The following RAD52 variants were observed in gnomAD, a reference collection of about 807,000 sequenced individuals.
RAD52 encodes the protein DNA repair protein RAD52 homolog.
RAD52 carries 47 observed loss-of-function variants against 55.5 expected under a neutral mutation model. The ratio of observed to expected loss-of-function variants is 0.85; its 90% confidence interval spans 0.67 to 1.08. RAD52 has a LOEUF of 1.08. Among genes scored for constraint, RAD52 ranks in the 50% least tolerant of loss-of-function variants. The pLI, the probability that RAD52 is intolerant of heterozygous loss-of-function variation, is 0.00. For missense variants in RAD52, 468 were observed against 522.8 expected, an observed-to-expected ratio of 0.90 and a Z score of 1.02; for synonymous variants, 184 against 198.9, an observed-to-expected ratio of 0.92 and a Z score of 0.63.
chr12:922,191 T>TAAAAA (rs79763100), intron 7 of RAD52, among the ~76,000 whole-genome samples: 24 of 81,652 alleles, frequency 2.9e-4, no homozygotes, highest in South Asian at 4.9e-4. Flanking sequence ...TAGGTTGGCT[T>TAAAAA]AAAAAAAAAA....
At chr12:918,634 T>C (rs1228189455) in intron 7 of RAD52, among the ~76,000 whole-genome samples, 3 of 152,138 alleles carry the variant, frequency 2.0e-5, no homozygotes, top group Non-Finnish European at 4.4e-5. Context: ...GGTCTCCAAC[T>C]CTTGGGCTCA....
At chr12:969,909 C>T (rs1395596369) in intron 1 of RAD52, among the ~76,000 whole-genome samples, 1 of 151,942 alleles carries the variant, frequency 6.6e-6, no homozygotes, top group Non-Finnish European at 1.5e-5. Context: ...TCCATATATA[C>T]TGGTGATAAC....
intron 1 of RAD52, among the ~76,000 whole-genome samples, chr12:984,907 T>C (rs981288309): frequency 6.6e-6 from 1 of 151,806 alleles, no homozygotes; most frequent in African/African-American, 2.4e-5. Flanking sequence ...CCTTGTGATC[T>C]GCCCGCCTCA....
chr12:924,211 C>T (rs1402894591), intron 7 of RAD52, among the ~76,000 whole-genome samples: 1 of 152,038 alleles, frequency 6.6e-6, no homozygotes, highest in Non-Finnish European at 1.5e-5. Context: ...AATTCGAGAC[C>T]AGCCTGACCA....
chr12:971,625 A>G (rs938560201), intron 1 of RAD52, among the ~76,000 whole-genome samples: 1 of 152,242 alleles, frequency 6.6e-6, no homozygotes, highest in Non-Finnish European at 1.5e-5. Context: ...ATAAATATGG[A>G]AAGATAATAA....
rs142312261 is a variant in RAD52 at position 963,467 on chromosome 12, G to T, written c.-19+26342C>A. Among the ~76,000 whole-genome samples the T allele has an allele frequency of 1.3e-3, 191 of 152,132 alleles. 1 individual carries two copies. The highest frequency in any genetic ancestry group is 4.3e-3 in the African/African-American group (177 of 41,506). On this transcript the variant is annotated intron_variant, in intron 1 of 11. Transcript: ENST00000430095. The stretch of plus-strand genomic sequence containing the variant: ...AAGTAAACAAATTTAGAGTGTGGCT[G>T]GTAGAAGTAAATGCTATAAAGAAAA...
chr12:955,941 C>T (rs893423270), intron 1 of RAD52, among the ~76,000 whole-genome samples: 7 of 62,824 alleles, frequency 1.1e-4, no homozygotes, highest in African/African-American at 1.8e-4. Context: ...CCACCATGCC[C>T]GGCTAATTTT....
chr12:929,687 A>G (rs776119994), intron 5 of RAD52, 132 bp downstream of exon 5: 2 of 870,950 alleles, frequency 2.3e-6, no homozygotes, highest in East Asian at 2.4e-5. Flanking sequence ...GAATTCCACC[A>G]CTCTAGGGAA....
chr12:973,782 C>CTTTT (rs750425355), intron 1 of RAD52, among the ~76,000 whole-genome samples: 4 of 113,482 alleles, frequency 3.5e-5, no homozygotes, highest in Admixed American at 9.5e-5. Flanking sequence ...CCCAGTCCTT[C>CTTTT]TTTTTTTTTT....
intron 5 of RAD52, among the ~76,000 whole-genome samples, chr12:928,914 G>A (rs1661169482): frequency 6.6e-6 from 1 of 152,084 alleles, no homozygotes; most frequent in African/African-American, 2.4e-5. Flanking sequence ...TTCCACCCAG[G>A]AGTTCAGTGG....
intron 1 of RAD52, among the ~76,000 whole-genome samples, chr12:948,879 A>G (rs2154119539): frequency 6.6e-6 from 1 of 151,968 alleles, no homozygotes; most frequent in East Asian, 2.0e-4. Flanking sequence ...TTGTATTTTT[A>G]GTAGAGACGG....
chr12:983,296 T>C (rs1347673240), intron 1 of RAD52, among the ~76,000 whole-genome samples: 1 of 152,128 alleles, frequency 6.6e-6, no homozygotes, highest in African/African-American at 2.4e-5. Flanking sequence ...CTGCTAGGGA[T>C]ACCATAATAA....
At chr12:981,255 C>T (rs11837764) in intron 1 of RAD52, among the ~76,000 whole-genome samples, 20,468 of 151,872 alleles carry the variant, frequency 0.13, 1,831 homozygotes, top group African/African-American at 0.25. Context: ...ATCACTTGAG[C>T]CAGGGAGGCG....
intron 1 of RAD52, among the ~76,000 whole-genome samples, chr12:946,614 GC>G (rs2154118882): frequency 6.6e-6 from 1 of 152,306 alleles, no homozygotes; most frequent in South Asian, 2.1e-4. Context: ...ACTTGGAAAT[GC>G]TAGACAGCAC....
chr12:978,307 C>A (rs1958961362), intron 1 of RAD52, among the ~76,000 whole-genome samples: 1 of 152,054 alleles, frequency 6.6e-6, no homozygotes, highest in African/African-American at 2.4e-5. Flanking sequence ...CCCGCCTTGG[C>A]CTCCCACAGT....
chr12:932,824 CTAGGTA>C lies in RAD52; in HGVS notation c.84+145_84+150del, dbSNP rs1565673112. On this transcript the variant is annotated intron_variant, in intron 2 of 11. Transcript: ENST00000358495. ...GTACTAGGTACTGCTCACACACGTA[CTAGGTA>C]AACGTACTAGGTACTGCTCACACAC... The C allele has an allele frequency of 5.4e-4, 98 of 181,274 alleles. 2 individuals carry two copies. Among genetic ancestry groups the C allele is most frequent in the African/African-American group, 2.2e-3 (71 of 32,014 alleles). 11.2% of individuals were successfully genotyped at this position (181,274 alleles called of 1,614,324 possible).
rs186077286 is a variant in RAD52, at chr12:980,148, C to T, written c.-19+9661G>A. On this transcript the variant is annotated intron_variant, in intron 1 of 11. Transcript: ENST00000430095. ...GAGGTTGCAGTGAGCTGAGATTGTGCCACTGCACTCCAGCCTGGGCGACAG... is the reference window on the plus strand; with the variant it reads ...GAGGTTGCAGTGAGCTGAGATTGTGTCACTGCACTCCAGCCTGGGCGACAG... Among the ~76,000 whole-genome samples the T allele has an allele frequency of 7.1e-4, 108 of 151,928 alleles. No individual in the cohort carries two copies. In the East Asian group the frequency reaches 0.017, roughly 24 times the overall value.
chr12:990,192 T>G (rs1477996886), upstream of RAD52: 1 of 151,622 alleles, frequency 6.6e-6, no homozygotes, highest in Non-Finnish European at 1.5e-5. Context: ...TAAGCAGGAG[T>G]AAAATGATGG....
intron 11 of RAD52, 84 bp from the exon 12 acceptor site, chr12:913,536 A>T: frequency 2.8e-6 from 3 of 1,081,526 alleles, no homozygotes; most frequent in Non-Finnish European, 4.2e-6. Flanking sequence ...TATATTAATG[A>T]TCCTAATTTA....
Sources: gnomAD v4.1 joint callset for allele counts (sites outside exome capture counted in the v4.1 genomes callset) on GRCh38, gnomAD v4.1.1 for gene constraint, MANE v1.5 for transcripts, NCBI Gene and HGNC (gene_info 2026-07-23, HGNC 2026-07-21) for gene names.